Variants in MAP4K4 observed in about 807,000 individuals in gnomAD.
MAP4K4 encodes the protein mitogen-activated protein kinase kinase kinase kinase 4.
MAP4K4 carries 38 observed loss-of-function variants against 189.6 expected under a neutral mutation model. The observed-to-expected ratio is 0.20, with a 90% CI of 0.15 to 0.26. The LOEUF is 0.26. MAP4K4 is among the 10% of genes least tolerant of loss of function. MAP4K4 has a pLI of 1.00. For missense variants in MAP4K4, 1,054 were observed against 1,726.9 expected, an observed-to-expected ratio of 0.61 and a Z score of 6.91; for synonymous variants, 610 against 624.3, an observed-to-expected ratio of 0.98 and a Z score of 0.34.
intron 2 of MAP4K4, among the ~76,000 whole-genome samples, chr2:101,703,967 A>T (rs888100341): frequency 3.9e-5 from 6 of 152,180 alleles, no homozygotes; most frequent in Admixed American, 6.5e-5. Flanking sequence ...GTGAGCCGAG[A>T]TAGCACCACT....
At position 101,812,414 on chromosome 2, in the gene MAP4K4, C is replaced by G. The variant is rs113604113; in HGVS notation, c.181-11514C>G. Reference sequence around the variant, plus strand: ...CTCGAGGCCTTCTTTTCATGTCTTTCGTTCAGCCACTCCTGCAGCCTCCAG... The same window carrying G: ...CTCGAGGCCTTCTTTTCATGTCTTTGGTTCAGCCACTCCTGCAGCCTCCAG... On this transcript the variant is annotated intron_variant, in intron 3 of 32. Coordinates refer to ENST00000324219, the Ensembl canonical transcript of MAP4K4. 7.7e-4 allele frequency among the ~76,000 whole-genome samples: 118 copies of G among 152,304 alleles called. 2 individuals are homozygous for G. The highest frequency in any genetic ancestry group is 9.1e-4 in the Admixed American group (14 of 15,306).
At chr2:101,792,880 C>T (rs975762157) in intron 3 of MAP4K4, among the ~76,000 whole-genome samples, 2 of 152,222 alleles carry the variant, frequency 1.3e-5, no homozygotes, top group African/African-American at 2.4e-5. Flanking sequence ...GCAATTCACC[C>T]GCCTCAGCCT....
At position 101,751,074 on chromosome 2, in the gene MAP4K4, A is replaced by G. The variant is rs140430430; in HGVS notation, c.124-39646A>G. 2.8e-3 allele frequency among the ~76,000 whole-genome samples: 431 copies of G among 152,238 alleles called. 2 individuals are homozygous for G. Among genetic ancestry groups the G allele is most frequent in the African/African-American group, 9.8e-3 (406 of 41,532 alleles). ...CCTTTCTTGTTTCGTTGGGGGGTGT[A>G]TGTGCCGCTTCCATCCCTCTGTTGG... On this transcript the variant is annotated intron_variant, in intron 2 of 32. Coordinates refer to ENST00000324219, the Ensembl canonical transcript of MAP4K4.
chr2:101,698,463 T>C lies in MAP4K4; in HGVS notation c.58-10T>C. The C allele has an allele frequency of 6.2e-7, 1 of 1,612,484 alleles. No individual in the cohort carries two copies. The highest frequency in any genetic ancestry group is 1.1e-5 in the South Asian group (1 of 91,044). ...TTTAAATGATAACCCCTCCCCTCCT[T>C]CCTCTCCAGGATCCTGCTGGGATTT... On this transcript the variant is annotated splice_polypyrimidine_tract_variant and intron_variant, in intron 1 of 32. Transcript: ENST00000324219.
At chr2:101,738,888 T>A (rs1295861642) in intron 2 of MAP4K4, among the ~76,000 whole-genome samples, 1 of 152,000 alleles carries the variant, frequency 6.6e-6, no homozygotes, top group Non-Finnish European at 1.5e-5. Context: ...CAAATTAGGG[T>A]TGATTGTAAT....
chr2:101,856,183 T>C lies in MAP4K4; in HGVS notation c.1395+45T>C, dbSNP rs183981968. ...AGCAGGCATACACTTGTGAAGTTTG[T>C]TACTTTGCAGAGCTGGGGGATTTTT... is the stretch of plus-strand genomic sequence containing the variant. On this transcript the variant is annotated intron_variant, in intron 13 of 32. Coordinates refer to ENST00000324219, the Ensembl canonical transcript of MAP4K4. The C allele has an allele frequency of 5.5e-3, 8,393 of 1,534,332 alleles. 30 individuals are homozygous for C. Among genetic ancestry groups the C allele is most frequent in the Non-Finnish European group, 6.9e-3 (7,860 of 1,139,834 alleles).
At chr2:101,762,073 A>C (rs13019379) in intron 2 of MAP4K4, among the ~76,000 whole-genome samples, 42,749 of 151,982 alleles carry the variant, frequency 0.28, 6,760 homozygotes, top group South Asian at 0.49. Context: ...TAGAACCGGG[A>C]GTCTATTCCA....
intron 2 of MAP4K4, among the ~76,000 whole-genome samples, chr2:101,785,070 A>G (rs1475588630): frequency 6.6e-6 from 1 of 152,200 alleles, no homozygotes; most frequent in Non-Finnish European, 1.5e-5. Context: ...CCGGTGTCAC[A>G]GGATATGCTT....
intron 3 of MAP4K4, among the ~76,000 whole-genome samples, chr2:101,817,110 T>G (rs889945948): frequency 6.6e-6 from 1 of 152,178 alleles, no homozygotes; most frequent in Non-Finnish European, 1.5e-5. Flanking sequence ...CCTCAATGCA[T>G]TCATTTAAAC....
intron 2 of MAP4K4, among the ~76,000 whole-genome samples, chr2:101,731,006 A>G (rs970933964): frequency 4.6e-5 from 7 of 150,768 alleles, no homozygotes; most frequent in African/African-American, 1.7e-4. Flanking sequence ...AGATTGCGCC[A>G]CTGCACTCTA....
chr2:101,851,333 A>AAAAG (rs1559185593), intron 12 of MAP4K4, among the ~76,000 whole-genome samples: 1 of 152,222 alleles, frequency 6.6e-6, no homozygotes, highest in African/African-American at 2.4e-5. Flanking sequence ...TAAAAGCTTC[A>AAAAG]AAAGATTGTA....
At chr2:101,787,995 G>C (rs1168629556) in intron 2 of MAP4K4, among the ~76,000 whole-genome samples, 8 of 151,620 alleles carry the variant, frequency 5.3e-5, no homozygotes. Context: ...GTGGATTCGG[G>C]GTTTCACCAT....
intron 2 of MAP4K4, among the ~76,000 whole-genome samples, chr2:101,743,261 T>C (rs568600242): frequency 1.3e-5 from 2 of 152,308 alleles, no homozygotes; most frequent in South Asian, 4.1e-4. Context: ...TGATTAATGC[T>C]CTTTTGCCTT....
intron 21 of MAP4K4, 52 bp from the exon 22 acceptor site, chr2:101,869,570 C>A: frequency 7.0e-7 from 1 of 1,424,720 alleles, no homozygotes; most frequent in South Asian, 1.2e-5. Flanking sequence ...CTCATCTTCT[C>A]CTGTCCCTGC....
chr2:101,712,984 A>G (rs1574026733), intron 2 of MAP4K4, among the ~76,000 whole-genome samples: 1 of 150,146 alleles, frequency 6.7e-6, no homozygotes, highest in African/African-American at 2.5e-5. Context: ...GCTCACTGCA[A>G]CCTCCACCTC....
intron 2 of MAP4K4, among the ~76,000 whole-genome samples, chr2:101,719,846 T>C (rs536258916): frequency 1.3e-5 from 2 of 152,002 alleles, no homozygotes; most frequent in South Asian, 2.1e-4. Flanking sequence ...ACCCCGTCTC[T>C]ACTAAAAATA....
intron 2 of MAP4K4, among the ~76,000 whole-genome samples, chr2:101,708,424 G>C (rs1257446749): frequency 6.6e-6 from 1 of 152,214 alleles, no homozygotes; most frequent in Non-Finnish European, 1.5e-5. Context: ...CTTACTGTGT[G>C]ACCTCTGTCA....
intron 2 of MAP4K4, among the ~76,000 whole-genome samples, chr2:101,785,039 A>G (rs1030180016): frequency 3.3e-5 from 5 of 152,084 alleles, no homozygotes; most frequent in East Asian, 1.9e-4. Flanking sequence ...TTACAGTCCA[A>G]CCTCAGGACT....
intron 7 of MAP4K4, among the ~76,000 whole-genome samples, chr2:101,832,574 C>G (rs1390488332): frequency 6.6e-6 from 1 of 152,126 alleles, no homozygotes; most frequent in Non-Finnish European, 1.5e-5. Context: ...ACTGAAGTAT[C>G]TTAAAATAGA....
Sources: gnomAD v4.1 joint callset for allele counts (sites outside exome capture counted in the v4.1 genomes callset) on GRCh38, gnomAD v4.1.1 for gene constraint, MANE v1.5 for transcripts, NCBI Gene and HGNC (gene_info 2026-07-23, HGNC 2026-07-21) for gene names.